The following HTR4 variants were observed in gnomAD, a reference collection of about 807,000 sequenced individuals.
HTR4 encodes the protein 5-hydroxytryptamine (serotonin) receptor 4, G protein-coupled.
A neutral mutation model predicts 36.8 loss-of-function variants in HTR4; 16 were observed. The ratio of observed to expected loss-of-function variants is 0.43; its 90% CI spans 0.29 to 0.66. The LOEUF is 0.66. Among genes scored for constraint, HTR4 ranks in the 30% least tolerant of loss-of-function variants. HTR4 has a pLI of 0.13. For missense variants in HTR4, 438 were observed against 490.9 expected (o/e 0.89, Z 1.02); for synonymous variants, 189 against 185.1 (o/e 1.02, Z -0.17).
chr5:148,479,629 T>A (rs963799389), downstream of HTR4, among the ~76,000 whole-genome samples: 2 of 152,196 alleles, frequency 1.3e-5, no homozygotes, highest in Non-Finnish European at 2.9e-5. Flanking sequence ...AAAGATGCTT[T>A]CCATGTAAAC....
chr5:148,590,804 T>C (rs1378850365), intron 2 of HTR4, among the ~76,000 whole-genome samples: 2 of 152,130 alleles, frequency 1.3e-5, no homozygotes, highest in Non-Finnish European at 2.9e-5. Flanking sequence ...GTATAGTTTT[T>C]TTTTTTCCTG....
chr5:148,529,253 T>C (rs1356280785), intron 4 of HTR4, among the ~76,000 whole-genome samples: 1 of 152,050 alleles, frequency 6.6e-6, no homozygotes, highest in Non-Finnish European at 1.5e-5. Context: ...ATGCTAAGAA[T>C]CATGAAATCC....
Position 148,600,989 on chromosome 5 carries a change from A to AC in HTR4, c.26+35999_26+36000insG, listed in dbSNP as rs1202939739. ...ACAACTCAATAGCAAAAAAAAAAAA[A>AC]AAAAAAAAAAAAAACAAATAATGCA... On this transcript the variant is annotated intron_variant, in intron 2 of 6. Transcript: ENST00000377888. 1.0e-4 allele frequency among the ~76,000 whole-genome samples: 15 copies of AC among 148,300 alleles called. No individual in the cohort carries two copies. In the South Asian group the frequency reaches 1.5e-3, roughly 15 times the overall value.
intron 6 of HTR4, among the ~76,000 whole-genome samples, chr5:148,492,243 A>G (rs1973878): frequency 0.26 from 39,606 of 152,154 alleles, 5,870 homozygotes; most frequent in Non-Finnish European, 0.34. Context: ...GAATGTGCTC[A>G]ACTTGTTTGA....
chr5:148,600,453 T>C (rs1761947620), intron 2 of HTR4, among the ~76,000 whole-genome samples: 1 of 150,818 alleles, frequency 6.6e-6, no homozygotes. Context: ...CATATTCCTA[T>C]ATGTAGAAAA....
intron 2 of HTR4, among the ~76,000 whole-genome samples, chr5:148,631,949 T>C (rs1753338328): frequency 6.6e-6 from 1 of 152,148 alleles, no homozygotes; most frequent in Non-Finnish European, 1.5e-5. Flanking sequence ...TTCTGTGTTG[T>C]GTATAAAAGC....
intron 2 of HTR4, among the ~76,000 whole-genome samples, chr5:148,559,128 T>C (rs184613795): frequency 1.3e-5 from 2 of 152,310 alleles, no homozygotes; most frequent in Non-Finnish European, 1.5e-5. Context: ...TGATTGAGAG[T>C]TGGAGCTCAC....
chr5:148,564,910 G>A (rs1022049422), intron 2 of HTR4, among the ~76,000 whole-genome samples: 24 of 151,954 alleles, frequency 1.6e-4, no homozygotes, highest in Non-Finnish European at 3.5e-4. Context: ...AGGAGTTCGA[G>A]ACCAGCCTGG....
At chr5:148,525,257 T>A (rs1207970958) in intron 4 of HTR4, among the ~76,000 whole-genome samples, 2 of 152,244 alleles carry the variant, frequency 1.3e-5, no homozygotes, top group Non-Finnish European at 2.9e-5. Flanking sequence ...TGAATGGTGA[T>A]ATTCATAATC....
At chr5:148,568,377 ATAAT>A (rs766187692) in intron 2 of HTR4, among the ~76,000 whole-genome samples, 1 of 152,146 alleles carries the variant, frequency 6.6e-6, no homozygotes, top group Non-Finnish European at 1.5e-5. Context: ...ATAGGGTCTG[ATAAT>A]TAATTAACCT....
intron 4 of HTR4, among the ~76,000 whole-genome samples, chr5:148,530,973 C>T (rs369208648): frequency 3.9e-5 from 6 of 152,332 alleles, no homozygotes; most frequent in African/African-American, 1.4e-4. Flanking sequence ...CTTTGTTTTG[C>T]TCAATTTCTT....
intron 2 of HTR4, among the ~76,000 whole-genome samples, chr5:148,627,460 T>A (rs993668622): frequency 1.3e-5 from 2 of 152,142 alleles, no homozygotes; most frequent in African/African-American, 4.8e-5. Context: ...GTGGTGGCAT[T>A]TGAGATAAGG....
chr5:148,515,775 G>C (rs950911247), intron 5 of HTR4, among the ~76,000 whole-genome samples: 5 of 151,852 alleles, frequency 3.3e-5, no homozygotes, highest in Non-Finnish European at 7.4e-5. Flanking sequence ...TTTTTTAAAT[G>C]AATTTTCTAG....
At chr5:148,501,846 T>C (rs748790081) in intron 6 of HTR4, among the ~76,000 whole-genome samples, 1 of 151,898 alleles carries the variant, frequency 6.6e-6, no homozygotes, top group Non-Finnish European at 1.5e-5. Context: ...GATCACAGGG[T>C]CAGGAGATCG....
chr5:148,464,561 C>T (rs1041329934), intron 5 of HTR4, among the ~76,000 whole-genome samples: 1 of 152,074 alleles, frequency 6.6e-6, no homozygotes, highest in African/African-American at 2.4e-5. Context: ...TAAAAATAAT[C>T]AAAATTCATC....
intron 5 of HTR4, among the ~76,000 whole-genome samples, chr5:148,457,396 G>A (rs896172791): frequency 6.6e-6 from 1 of 151,816 alleles, no homozygotes; most frequent in African/African-American, 2.4e-5. Context: ...ATTAGATTTG[G>A]TAATTACCTG....
At chr5:148,581,598 T>C (rs2127246059) in intron 2 of HTR4, among the ~76,000 whole-genome samples, 1 of 152,240 alleles carries the variant, frequency 6.6e-6, no homozygotes, top group East Asian at 1.9e-4. Flanking sequence ...GAGACTGTCC[T>C]TCCCTTATTA....
Position 148,483,187 on chromosome 5 carries a change from T to G in HTR4, c.*16A>C. 1 of 1,613,848 alleles carries G rather than the reference T, an allele frequency of 6.2e-7. No individual in the cohort carries two copies. Among genetic ancestry groups the G allele is most frequent in the Non-Finnish European group, 8.5e-7 (1 of 1,179,876 alleles). ...TTCGGAGGCATGGCTGTCTTCTGGG[T>G]CATTGTCCCAGGGGCCTAAGTGTCA... is the stretch of plus-strand genomic sequence containing the variant. On this transcript the variant is annotated 3_prime_UTR_variant, in exon 7 of 7. Coordinates refer to ENST00000377888, the MANE Select transcript of HTR4 (RefSeq NM_000870.7).
Position 148,521,943 on chromosome 5 carries a change from C to A in HTR4, c.507+1250G>T, listed in dbSNP as rs906038232. ...CTGATACAGTTTGGCTGTGTCCCCA[C>A]CCAAATCTCATCTTGAACTGTAGCT... On this transcript the variant is annotated intron_variant, in intron 5 of 6. Transcript: ENST00000377888. 2.6e-5 allele frequency among the ~76,000 whole-genome samples: 4 copies of A among 152,312 alleles called. No individual in the cohort carries two copies. The South Asian group carries it at 8.3e-4, about 32-fold the overall frequency.
Sources: allele counts gnomAD v4.1 joint callset (sites outside exome capture counted in the v4.1 genomes callset), GRCh38; gene constraint gnomAD v4.1.1; transcripts MANE v1.5; gene names NCBI Gene and HGNC (gene_info 2026-07-23, HGNC 2026-07-21).